FHIT: variants seen among roughly 807,000 people sequenced by gnomAD.
FHIT encodes fragile histidine triad diadenosine triphosphatase, also known as bis(5'-adenosyl)-triphosphatase.
Under a neutral mutation model 17.9 loss-of-function variants are expected in FHIT, and 19 were observed. The observed-to-expected ratio is 1.06, with a 90% CI of 0.74 to 1.56. The LOEUF is 1.56. Among genes scored for constraint, FHIT ranks in the 40% most tolerant of loss-of-function variants. The pLI, the probability that FHIT is intolerant of heterozygous loss-of-function variation, is 0.00. For synonymous variants in FHIT, 81 were observed against 69.7 expected, an observed-to-expected ratio of 1.16 and a Z score of -0.81; for missense variants, 248 against 189.2, an observed-to-expected ratio of 1.31 and a Z score of -1.82.
chr3:60,806,432 C>A (rs1701390361), intron 4 of FHIT, among the ~76,000 whole-genome samples: 1 of 152,224 alleles, frequency 6.6e-6, no homozygotes, highest in Non-Finnish European at 1.5e-5. Flanking sequence ...AAACTCTGAA[C>A]CAGCTTCTCA....
intron 1 of FHIT, among the ~76,000 whole-genome samples, chr3:61,233,724 T>A (rs74331972): frequency 0.072 from 10,984 of 152,274 alleles, 561 homozygotes; most frequent in Non-Finnish European, 0.11. Context: ...ACTTTTTTAA[T>A]CAGGCTAACA....
rs147407164 is a variant in FHIT at position 61,218,540 on chromosome 3, G to A, written c.-212-17875C>T. ...AGGACAAAGGGCTGGAAGACGGTTT[G>A]TTTGTATAGTTTTTAAACAGAAAAA... On this transcript the variant is annotated intron_variant, in intron 1 of 9. Coordinates refer to ENST00000492590, the MANE Select transcript of FHIT (RefSeq NM_002012.4). 3.6e-4 allele frequency among the ~76,000 whole-genome samples: 55 copies of A among 152,194 alleles called. No homozygotes were observed. In the Middle Eastern group the frequency reaches 0.017, roughly 47 times the overall value.
chr3:61,201,711 C>T (rs1224560221), intron 1 of FHIT, among the ~76,000 whole-genome samples: 8 of 151,300 alleles, frequency 5.3e-5, no homozygotes, highest in African/African-American at 1.5e-4. Context: ...GAGGTAGGTC[C>T]CTTCTATGGG....
At chr3:60,850,440 C>T (rs1703112090) in intron 3 of FHIT, among the ~76,000 whole-genome samples, 1 of 151,642 alleles carries the variant, frequency 6.6e-6, no homozygotes, top group Non-Finnish European at 1.5e-5. Flanking sequence ...CCCTGACTAT[C>T]CAGTCTAAAG....
Position 60,701,225 on chromosome 3 carries a change from G to T in FHIT, c.-18+120694C>A, listed in dbSNP as rs528912154. ...TGCAGCCTCGACTTCCCTGGCTCTG[G>T]TGATCCTCCAACCTCAGCCTCCAAA... is the stretch of plus-strand genomic sequence containing the variant. On this transcript the variant is annotated intron_variant, in intron 4 of 9. Transcript: ENST00000492590. Among the ~76,000 whole-genome samples the T allele has an allele frequency of 1.3e-4, 19 of 151,458 alleles. No homozygotes were observed. The South Asian group carries it at 1.5e-3, about 12-fold the overall frequency.
At chr3:60,448,138 C>T (rs554142319) in intron 5 of FHIT, among the ~76,000 whole-genome samples, 37 of 152,224 alleles carry the variant, frequency 2.4e-4, no homozygotes, top group Non-Finnish European at 4.6e-4. Flanking sequence ...CGGATTATAA[C>T]GGACTATAGC....
intron 5 of FHIT, among the ~76,000 whole-genome samples, chr3:60,094,804 A>T (rs1337665878): frequency 1.6e-5 from 1 of 62,174 alleles, no homozygotes; most frequent in Admixed American, 1.5e-4. Context: ...GGGGTGGGGG[A>T]GAGAGAGAGA....
intron 8 of FHIT, among the ~76,000 whole-genome samples, chr3:59,905,999 T>C (rs1455360477): frequency 6.6e-6 from 1 of 152,176 alleles, no homozygotes; most frequent in Non-Finnish European, 1.5e-5. Context: ...GGACTTTTCA[T>C]TAAAAAGATA....
chr3:60,091,464 G>C (rs554810660), intron 5 of FHIT, among the ~76,000 whole-genome samples: 1 of 152,308 alleles, frequency 6.6e-6, no homozygotes, highest in African/African-American at 2.4e-5. Context: ...GGAAGGAAGA[G>C]AGTGTCATCC....
chr3:60,926,976 A>G (rs1553770130), intron 3 of FHIT, among the ~76,000 whole-genome samples: 1 of 152,052 alleles, frequency 6.6e-6, no homozygotes, highest in African/African-American at 2.4e-5. Flanking sequence ...TCTCCCTTTC[A>G]TCTCCGTCTC....
At position 59,973,125 on chromosome 3, in the gene FHIT, A is replaced by T. The variant is rs143140005; in HGVS notation, c.279+38246T>A. On this transcript the variant is annotated intron_variant, in intron 7 of 9. Transcript: ENST00000492590. ...GCTTCCCATGATGGCAATTACTGAC[A>T]TGTCTTCTCTTTCTGGTTAAACTCT... 3.4e-3 allele frequency among the ~76,000 whole-genome samples: 516 copies of T among 152,162 alleles called. 4 individuals are homozygous for T. The highest frequency in any genetic ancestry group is 0.012 in the African/African-American group (486 of 41,544).
At chr3:60,934,123 A>T (rs782572406) in intron 3 of FHIT, among the ~76,000 whole-genome samples, 3 of 152,152 alleles carry the variant, frequency 2.0e-5, no homozygotes, top group African/African-American at 4.8e-5. Context: ...AGGAATCTTG[A>T]CCAGAATGAA....
At chr3:60,508,726 G>A (rs1160926179) in intron 5 of FHIT, among the ~76,000 whole-genome samples, 1 of 152,032 alleles carries the variant, frequency 6.6e-6, no homozygotes, top group Non-Finnish European at 1.5e-5. Flanking sequence ...CCAAATCTGT[G>A]AGATTTGTAT....
At chr3:61,180,818 CA>C (rs1266069662) in intron 2 of FHIT, among the ~76,000 whole-genome samples, 1 of 152,114 alleles carries the variant, frequency 6.6e-6, no homozygotes, top group Non-Finnish European at 1.5e-5. Flanking sequence ...AGCACCTAGC[CA>C]AATTATAGAA....
intron 5 of FHIT, among the ~76,000 whole-genome samples, chr3:60,450,885 T>C (rs1282670639): frequency 6.6e-6 from 1 of 152,166 alleles, no homozygotes. Context: ...AACAGCCAGG[T>C]CCATATAGAG....
intron 5 of FHIT, among the ~76,000 whole-genome samples, chr3:60,135,906 A>C (rs769656662): frequency 6.6e-6 from 1 of 152,126 alleles, no homozygotes; most frequent in South Asian, 2.1e-4. Flanking sequence ...AAATCCACCT[A>C]AACTGTCCAT....
chr3:60,845,579 C>G (rs1362054711), intron 3 of FHIT, among the ~76,000 whole-genome samples: 2 of 152,112 alleles, frequency 1.3e-5, no homozygotes, highest in African/African-American at 4.8e-5. Flanking sequence ...AATTATTTCA[C>G]TTGCGATGCT....
intron 5 of FHIT, among the ~76,000 whole-genome samples, chr3:60,360,193 T>A (rs1267697531): frequency 6.6e-6 from 1 of 152,000 alleles, no homozygotes; most frequent in Non-Finnish European, 1.5e-5. Flanking sequence ...ATCAAACTAT[T>A]AAACACTAAA....
chr3:60,953,570 C>A (rs1017932405), intron 3 of FHIT, among the ~76,000 whole-genome samples: 6 of 152,176 alleles, frequency 3.9e-5, no homozygotes, highest in African/African-American at 1.4e-4. Context: ...CTGGACTTGG[C>A]AGCTCCTTTT....
Sources: gnomAD v4.1 joint callset for allele counts (sites outside exome capture counted in the v4.1 genomes callset) on GRCh38, gnomAD v4.1.1 for gene constraint, MANE v1.5 for transcripts, NCBI Gene and HGNC (gene_info 2026-07-23, HGNC 2026-07-21) for gene names.